TPGS2: variants seen among roughly 807,000 people sequenced by gnomAD.
TPGS2 encodes the protein polyglutamylase subunit 2.
TPGS2 carries 26 observed loss-of-function variants against 31.1 expected under a neutral mutation model. The ratio of observed to expected loss-of-function variants is 0.84; its 90% CI spans 0.61 to 1.16. The LOEUF (loss-of-function observed/expected upper bound fraction) is 1.16, where lower values mean the gene tolerates loss of function less well. TPGS2 is among the 50% of genes most tolerant of loss of function. The pLI is 0.00. For missense variants in TPGS2, 351 were observed against 363.8 expected, an observed-to-expected ratio of 0.96 and a Z score of 0.29; for synonymous variants, 130 against 136.6, an observed-to-expected ratio of 0.95 and a Z score of 0.34.
intron 1 of TPGS2, among the ~76,000 whole-genome samples, chr18:36,826,883 A>C (rs112932638): frequency 6.6e-6 from 1 of 152,294 alleles, no homozygotes; most frequent in African/African-American, 2.4e-5. Context: ...CATCAGGTTG[A>C]GGAAATTCTA....
In TPGS2 at chr18:36,814,338, C is replaced by T. The variant is rs556301561; in HGVS notation, c.165+4556G>A. On this transcript the variant is annotated intron_variant, in intron 2 of 6. Coordinates refer to ENST00000334295, the MANE Select transcript of TPGS2 (RefSeq NM_015476.4). ...GCAGGCACAATGAACATGAATCATA[C>T]AACTGCACAGAGGCAGACAAACTGA... 3.3e-5 allele frequency among the ~76,000 whole-genome samples: 5 copies of T among 152,224 alleles called. No individual in the cohort carries two copies. In the South Asian group the frequency reaches 6.2e-4, roughly 19 times the overall value.
downstream of TPGS2, chr18:36,782,860 A>G (rs534062008): frequency 7.9e-6 from 3 of 379,574 alleles, no homozygotes; most frequent in South Asian, 1.5e-4. Context: ...GCCCAGTAAC[A>G]TGGGAGGAAC....
At chr18:36,828,159 ACT>A (rs558353422) in intron 1 of TPGS2, among the ~76,000 whole-genome samples, 108 of 152,236 alleles carry the variant, frequency 7.1e-4, no homozygotes, top group East Asian at 3.9e-4. Context: ...CAAGAGCAAA[ACT>A]CTGTCTCAAA....
chr18:36,800,247 TGAATCCA>T lies in TPGS2; in HGVS notation c.440_446del (p.Leu147HisfsTer19), dbSNP rs2044739280. 1 of 1,614,084 alleles carries T rather than the reference TGAATCCA, an allele frequency of 6.2e-7. No homozygotes were observed. Among genetic ancestry groups the T allele is most frequent in the African/African-American group, 1.3e-5 (1 of 74,950 alleles). On this transcript the variant is annotated frameshift_variant, in exon 5 of 7. Coordinates refer to ENST00000334295, the MANE Select transcript of TPGS2 (RefSeq NM_015476.4). LOFTEE classifies it high-confidence loss of function. Reference sequence around the variant, plus strand: ...GGCAAACTTTCCCACTGCCATTGCATGAATCCAGCTCAAATATCACACTGCGAGAGTC... The same window carrying T: ...GGCAAACTTTCCCACTGCCATTGCATGCTCAAATATCACACTGCGAGAGTC...
downstream of TPGS2, among the ~76,000 whole-genome samples, chr18:36,780,651 T>A (rs1201309386): frequency 1.3e-5 from 2 of 152,192 alleles, no homozygotes; most frequent in African/African-American, 4.8e-5. Flanking sequence ...TATGATACAG[T>A]CTGTTGCTCC....
At position 36,796,979 on chromosome 18, in the gene TPGS2, C is replaced by T; in HGVS notation, c.729G>A (p.Val243=). The T allele has an allele frequency of 1.0e-5, 16 of 1,602,604 alleles. No homozygotes were observed. Among genetic ancestry groups the T allele is most frequent in the Non-Finnish European group, 1.4e-5 (16 of 1,176,660 alleles). ...NLLTEETDSF[V]NKLDPSKVFK... ...ACACTTTGCTGGGATCTAGCTTATT[C>T]ACAAAGGAGTCGGTCTCTTCTGTGA... The change falls in exon 7 of 7, where the codon GTG becomes GTA. Residue 243 remains valine (V), a synonymous_variant. Transcript: ENST00000334295.
chr18:36,817,346 A>G (rs2045700573), intron 2 of TPGS2, among the ~76,000 whole-genome samples: 1 of 152,048 alleles, frequency 6.6e-6, no homozygotes, highest in African/African-American at 2.4e-5. Context: ...CAGAAAGGAC[A>G]TGTTCTTAGA....
At chr18:36,802,979 T>G (rs139017252) in intron 4 of TPGS2, among the ~76,000 whole-genome samples, 3 of 152,292 alleles carry the variant, frequency 2.0e-5, no homozygotes, top group Non-Finnish European at 4.4e-5. Flanking sequence ...AATTGACAAT[T>G]ATTTTTAATT....
intron 1 of TPGS2, among the ~76,000 whole-genome samples, chr18:36,821,856 G>A (rs777086467): frequency 9.9e-5 from 15 of 152,196 alleles, no homozygotes; most frequent in Non-Finnish European, 1.8e-4. Context: ...CCCCGCTGGC[G>A]TGCTTTCCTT....
In TPGS2 at chr18:36,807,846, C is replaced by A. The variant is rs1353301379; in HGVS notation, c.253+1G>T. ...GTTCTCCTACAAGGAGGCTGACTCA[C>A]CATCCAGCTTCACACTCCATGTCAT... On this transcript the variant is annotated splice_donor_variant, in intron 3 of 6. Transcript: ENST00000334295. LOFTEE classifies it high-confidence loss of function. 3 of 1,613,856 alleles carry A rather than the reference C, an allele frequency of 1.9e-6. No individual in the cohort carries two copies. Among genetic ancestry groups the A allele is most frequent in the Non-Finnish European group, 2.5e-6 (3 of 1,179,766 alleles).
Position 36,817,971 on chromosome 18 carries a change from A to C in TPGS2, c.165+923T>G, listed in dbSNP as rs536128202. On this transcript the variant is annotated intron_variant, in intron 2 of 6. Coordinates refer to ENST00000334295, the MANE Select transcript of TPGS2 (RefSeq NM_015476.4). ...ATCTAACTTCAAAGTTCCCTACTTA[A>C]AACATTTCAATGACTCCCCTTTGCT... Among the ~76,000 whole-genome samples, 73 of 152,312 alleles carry C rather than the reference A, an allele frequency of 4.8e-4. No homozygotes were observed. The Middle Eastern group carries it at 0.024, about 50-fold the overall frequency.
chr18:36,819,386 T>C (rs777674240), intron 1 of TPGS2, among the ~76,000 whole-genome samples: 1 of 152,240 alleles, frequency 6.6e-6, no homozygotes, highest in Non-Finnish European at 1.5e-5. Flanking sequence ...TTAACTTTTC[T>C]TCTAAATAAA....
intron 1 of TPGS2, among the ~76,000 whole-genome samples, chr18:36,825,998 C>T (rs1027084768): frequency 6.6e-6 from 1 of 152,078 alleles, no homozygotes; most frequent in Non-Finnish European, 1.5e-5. Context: ...ATTTTCAGTA[C>T]ATAAGTCATG....
chr18:36,795,781 C>T lies in TPGS2; in HGVS notation c.*1024G>A, dbSNP rs1696034409. On this transcript the variant is annotated 3_prime_UTR_variant, in exon 7 of 7. Transcript: ENST00000334295. ...CCACCCTGTTCTAAGCAGGAGACTG[C>T]TTGTCCTAAGGATGGCCAGGGACCA... 7 of 985,310 alleles carry T rather than the reference C, an allele frequency of 7.1e-6. No individual in the cohort carries two copies. Among genetic ancestry groups the T allele is most frequent in the Non-Finnish European group, 8.4e-6 (7 of 829,942 alleles). The allele number at this position is 985,310 out of a possible 1,614,324, so 61.0% of individuals were successfully genotyped here. A position where few individuals can be genotyped will look rare whatever the true frequency, so the allele number is the denominator to read the frequency against.
intron 6 of TPGS2, among the ~76,000 whole-genome samples, chr18:36,787,990 T>C (rs2044182224): frequency 6.6e-6 from 1 of 152,226 alleles, no homozygotes; most frequent in South Asian, 2.1e-4. Context: ...TATCTATCTA[T>C]TGGTCAATCT....
intron 1 of TPGS2, 167 bp from the exon 2 acceptor site, chr18:36,819,140 G>C (rs1199607964): frequency 3.4e-6 from 2 of 590,640 alleles, no homozygotes; most frequent in African/African-American, 1.9e-5. Flanking sequence ...CCTCTGAAAG[G>C]CATGGTCCCA....
chr18:36,788,013 A>T (rs1412307363), intron 6 of TPGS2, among the ~76,000 whole-genome samples: 1 of 152,224 alleles, frequency 6.6e-6, no homozygotes, highest in South Asian at 2.1e-4. Context: ...CTGTGTGTGT[A>T]TACACACACA....
intron 4 of TPGS2, among the ~76,000 whole-genome samples, chr18:36,800,686 TTTC>T: frequency 6.7e-6 from 1 of 148,422 alleles, no homozygotes; most frequent in Admixed American, 6.7e-5. Flanking sequence ...TATCTGAATC[TTTC>T]TTTCTTTTTT....
At chr18:36,784,209 G>A (rs886987902) in intron 6 of TPGS2, among the ~76,000 whole-genome samples, 1 of 152,170 alleles carries the variant, frequency 6.6e-6, no homozygotes, top group Non-Finnish European at 1.5e-5. Flanking sequence ...GATTCCTCAC[G>A]GTATCCTCTA....
Sources: allele counts gnomAD v4.1 joint callset (sites outside exome capture counted in the v4.1 genomes callset), GRCh38; gene constraint gnomAD v4.1.1; transcripts MANE v1.5; gene names NCBI Gene and HGNC (gene_info 2026-07-23, HGNC 2026-07-21).